Variants in MINDY3 observed in about 807,000 individuals in gnomAD.
The protein encoded by MINDY3 is MINDY lysine 48 deubiquitinase 3.
A neutral mutation model predicts 69.2 loss-of-function variants in MINDY3; 38 were observed. The observed-to-expected ratio is 0.55, with a 90% CI of 0.42 to 0.72. The LOEUF (loss-of-function observed/expected upper bound fraction) is 0.72, where lower values mean the gene tolerates loss of function less well. Among genes scored for constraint, MINDY3 ranks in the 30% least tolerant of loss-of-function variants. The pLI, the probability that MINDY3 is intolerant of heterozygous loss-of-function variation, is 0.00. For missense variants in MINDY3, 522 were observed against 519.0 expected, an observed-to-expected ratio of 1.01 and a Z score of -0.06; for synonymous variants, 192 against 180.1, an observed-to-expected ratio of 1.07 and a Z score of -0.53.
intron 1 of MINDY3, among the ~76,000 whole-genome samples, chr10:15,848,650 AAAAAAAAAAAAAG>A (rs1452342191): frequency 6.0e-4 from 77 of 128,768 alleles, no homozygotes; most frequent in Middle Eastern, 4.6e-3. Flanking sequence ...AAAAAAAAAA[AAAAAAAAAAAAAG>A]AAAGAAAAAT....
At chr10:15,823,219 C>T (rs1418880434) in intron 8 of MINDY3, among the ~76,000 whole-genome samples, 1 of 152,182 alleles carries the variant, frequency 6.6e-6, no homozygotes, top group African/African-American at 2.4e-5. Context: ...TACTTTGTCA[C>T]TAGCTTCTTA....
chr10:15,815,210 G>A (rs1477130289), intron 10 of MINDY3, among the ~76,000 whole-genome samples: 1 of 152,122 alleles, frequency 6.6e-6, no homozygotes, highest in Non-Finnish European at 1.5e-5. Flanking sequence ...TTCACATTGT[G>A]CTTTTTAACT....
chr10:15,844,386 T>G (rs1833687213), intron 2 of MINDY3, among the ~76,000 whole-genome samples: 1 of 152,198 alleles, frequency 6.6e-6, no homozygotes, highest in Non-Finnish European at 1.5e-5. Flanking sequence ...ATAACTACTG[T>G]TAGCATTTTG....
rs763598271 is a variant in MINDY3 at position 15,779,075 on chromosome 10, T to A, written c.1255A>T (p.Thr419Ser). Residue 419 changes from threonine to serine, a missense_variant, in exon 15 of 15, where the codon ACT becomes TCT. Physicochemically the swap from Thr to Ser is moderately conservative, Grantham distance 58. Transcript: ENST00000277632. ...GTTTGCAGACAGCGTTTAATAGGAG[T>A]GTCATCTGTCTGTAGCATGGGATCT... ...FEDPMLQTDD[T>S]PIKRCLQTKW... is the part of the protein sequence containing the mutation. 5.0e-6 allele frequency: 8 copies of A among 1,613,422 alleles called. No individual in the cohort carries two copies. Among genetic ancestry groups the A allele is most frequent in the Non-Finnish European group, 6.8e-6 (8 of 1,179,760 alleles).
At chr10:15,849,784 A>G (rs1251563298) in intron 1 of MINDY3, among the ~76,000 whole-genome samples, 1 of 152,160 alleles carries the variant, frequency 6.6e-6, no homozygotes, top group Non-Finnish European at 1.5e-5. Flanking sequence ...CATTTATCTA[A>G]CATATTAAAA....
intron 1 of MINDY3, among the ~76,000 whole-genome samples, chr10:15,858,523 T>C (rs1192371974): frequency 6.6e-6 from 1 of 152,238 alleles, no homozygotes; most frequent in Non-Finnish European, 1.5e-5. Context: ...GATAGTGTGC[T>C]AAGCACCTAA....
intron 1 of MINDY3, among the ~76,000 whole-genome samples, chr10:15,855,046 G>C (rs1564537376): frequency 6.6e-6 from 1 of 152,186 alleles, no homozygotes; most frequent in East Asian, 1.9e-4. Context: ...ATTAGTAATG[G>C]ATCTTGCCTT....
chr10:15,817,689 T>C (rs1839470382), intron 9 of MINDY3: 1 of 152,212 alleles, frequency 6.6e-6, no homozygotes, highest in Admixed American at 6.5e-5. Flanking sequence ...AACTTAAAAA[T>C]GACGAATCTT....
chr10:15,859,007 T>C (rs1313759352), intron 1 of MINDY3, among the ~76,000 whole-genome samples: 1 of 152,156 alleles, frequency 6.6e-6, no homozygotes, highest in East Asian at 1.9e-4. Flanking sequence ...AGAGGTATAT[T>C]AGGAATCGAG....
At chr10:15,812,400 A>G (rs1839066247) in intron 10 of MINDY3, among the ~76,000 whole-genome samples, 1 of 152,180 alleles carries the variant, frequency 6.6e-6, no homozygotes, top group South Asian at 2.1e-4. Context: ...AGAAGGTTAA[A>G]TTCAATACAG....
intron 1 of MINDY3, among the ~76,000 whole-genome samples, chr10:15,859,281 C>G (rs932967981): frequency 7.9e-5 from 12 of 152,126 alleles, no homozygotes; most frequent in African/African-American, 2.9e-4. Context: ...TCCGCCCAAT[C>G]TATTTCGGGA....
intron 1 of MINDY3, among the ~76,000 whole-genome samples, chr10:15,853,098 C>A (rs1834421527): frequency 6.6e-6 from 1 of 151,872 alleles, no homozygotes; most frequent in African/African-American, 2.4e-5. Flanking sequence ...CAACAGACAA[C>A]TATATTTAAG....
Position 15,838,237 on chromosome 10 carries a change from G to A in MINDY3, c.452C>T (p.Ala151Val), listed in dbSNP as rs1833221635. The stretch of plus-strand genomic sequence containing the variant: ...TTCCAATGTTACTTACTGAATTAAT[G>A]CATGAAATCGCTCAAAGCCAAGCTC... ...VEELGFERFHALIQKRSFRSL... is the reference protein window; with the variant it reads ...VEELGFERFHVLIQKRSFRSL... The change falls in exon 5 of 15, where the codon GCA becomes GTA. Residue 151 changes from alanine (A) to valine (V), a missense_variant. Physicochemically the swap from Ala to Val is moderately conservative, Grantham distance 64. Transcript: ENST00000277632. 1 of 1,603,040 alleles carries A rather than the reference G, an allele frequency of 6.2e-7. No individual in the cohort carries two copies. The highest frequency in any genetic ancestry group is 8.5e-7 in the Non-Finnish European group (1 of 1,175,782).
chr10:15,789,385 G>T, intron 11 of MINDY3, 66 bp from the exon 12 acceptor site: 1 of 1,246,790 alleles, frequency 8.0e-7, no homozygotes, highest in Non-Finnish European at 1.2e-6. Context: ...TATTAATGCT[G>T]ATCAGGTTCC....
At chr10:15,832,981 G>GT (rs888414533) in intron 8 of MINDY3, among the ~76,000 whole-genome samples, 5 of 152,178 alleles carry the variant, frequency 3.3e-5, no homozygotes, top group African/African-American at 7.2e-5. Context: ...GTTACTTAAT[G>GT]TAAGTTAAAT....
At chr10:15,785,342 A>C (rs1022515812) in intron 13 of MINDY3, among the ~76,000 whole-genome samples, 1 of 152,138 alleles carries the variant, frequency 6.6e-6, no homozygotes, top group Non-Finnish European at 1.5e-5. Flanking sequence ...CTTTTTACCT[A>C]AAAAATTACT....
chr10:15,825,582 A>G (rs1485177785), intron 8 of MINDY3, among the ~76,000 whole-genome samples: 1 of 152,230 alleles, frequency 6.6e-6, no homozygotes, highest in East Asian at 1.9e-4. Flanking sequence ...CTGCATTTTT[A>G]GGAGTTCCAC....
chr10:15,795,449 T>C (rs190225000), intron 11 of MINDY3, among the ~76,000 whole-genome samples: 15 of 151,838 alleles, frequency 9.9e-5, no homozygotes, highest in African/African-American at 2.9e-4. Context: ...GCAACTTCCA[T>C]TTCTACACGG....
intron 10 of MINDY3, among the ~76,000 whole-genome samples, chr10:15,813,114 T>C (rs943901069): frequency 6.6e-6 from 1 of 152,170 alleles, no homozygotes; most frequent in African/African-American, 2.4e-5. Context: ...TTAATCCTGT[T>C]CCCTTCCTTC....
Sources: gnomAD v4.1 joint callset for allele counts (sites outside exome capture counted in the v4.1 genomes callset) on GRCh38, gnomAD v4.1.1 for gene constraint, MANE v1.5 for transcripts, NCBI Gene and HGNC (gene_info 2026-07-23, HGNC 2026-07-21) for gene names.